The following ZFYVE9 variants were observed in gnomAD, a reference collection of about 807,000 sequenced individuals.
ZFYVE9 encodes the protein zinc finger FYVE-type containing 9.
A neutral mutation model predicts 126.7 loss-of-function variants in ZFYVE9; 43 were observed. That is an observed-to-expected ratio of 0.34 (90% CI 0.27 to 0.44). The LOEUF (loss-of-function observed/expected upper bound fraction) is 0.44, where lower values mean the gene tolerates loss of function less well. Among genes scored for constraint, ZFYVE9 ranks in the 20% least tolerant of loss-of-function variants. The probability of loss-of-function intolerance (pLI) is 1.00; values close to 1 mark genes in which losing one functional copy is unlikely to be tolerated. For missense variants in ZFYVE9, 1,476 were observed against 1,697.0 expected (o/e 0.87, Z 2.29); for synonymous variants, 521 against 597.4 (o/e 0.87, Z 1.87).
At chr1:52,331,773 C>A (rs1485661552) in intron 13 of ZFYVE9, among the ~76,000 whole-genome samples, 1 of 132,772 alleles carries the variant, frequency 7.5e-6, no homozygotes, top group Non-Finnish European at 1.6e-5. Context: ...GTGTCAAACT[C>A]TTTTTTTTTT....
intron 1 of ZFYVE9, among the ~76,000 whole-genome samples, chr1:52,182,440 A>G (rs371621288): frequency 6.6e-6 from 1 of 152,150 alleles, no homozygotes; most frequent in Non-Finnish European, 1.5e-5. Context: ...CTGTTGATCT[A>G]TGACCTTACC....
intron 12 of ZFYVE9, among the ~76,000 whole-genome samples, chr1:52,299,953 C>G (rs896735392): frequency 6.6e-6 from 1 of 152,188 alleles, no homozygotes; most frequent in East Asian, 1.9e-4. Context: ...GTGAGGACCG[C>G]GGGACGAGGC....
chr1:52,312,871 T>C (rs1446975052), intron 13 of ZFYVE9, among the ~76,000 whole-genome samples: 1 of 152,178 alleles, frequency 6.6e-6, no homozygotes, highest in Non-Finnish European at 1.5e-5. Flanking sequence ...AGTTGTAACC[T>C]CCCAGTACCT....
At chr1:52,210,558 C>G (rs1645018657) in intron 1 of ZFYVE9, among the ~76,000 whole-genome samples, 1 of 152,118 alleles carries the variant, frequency 6.6e-6, no homozygotes. Context: ...CCTGCTGTTC[C>G]ATTTGAATTA....
At chr1:52,306,700 C>T (rs1351443292) in intron 13 of ZFYVE9, among the ~76,000 whole-genome samples, 2 of 152,252 alleles carry the variant, frequency 1.3e-5, no homozygotes, top group African/African-American at 2.4e-5. Context: ...CTTTGGGGCC[C>T]TGTGGTTACT....
intron 11 of ZFYVE9, among the ~76,000 whole-genome samples, chr1:52,294,059 A>G (rs1645950449): frequency 6.6e-6 from 1 of 152,224 alleles, no homozygotes; most frequent in Non-Finnish European, 1.5e-5. Context: ...AGCTAGTGGA[A>G]TGGAAACCAC....
rs535831094 is a variant in ZFYVE9, at chr1:52,210,483, A to C, written c.-142-5886A>C. ...GTCATCTTTTTTCCCTGTCCCTATT[A>C]AGGTTTTTATTCTTCTCTTTAAAAT... On this transcript the variant is annotated intron_variant, in intron 1 of 18. Coordinates refer to ENST00000287727, the MANE Select transcript of ZFYVE9 (RefSeq NM_004799.4). Among the ~76,000 whole-genome samples, 36 of 152,172 alleles carry C rather than the reference A, an allele frequency of 2.4e-4. No individual in the cohort carries two copies. In the South Asian group the frequency reaches 7.3e-3, roughly 31 times the overall value.
intron 1 of ZFYVE9, among the ~76,000 whole-genome samples, chr1:52,174,017 G>C (rs1232341886): frequency 6.6e-6 from 1 of 151,586 alleles, no homozygotes; most frequent in Admixed American, 6.6e-5. Flanking sequence ...GTTCTGCTCT[G>C]ATTTTAGTTA....
chr1:52,293,638 C>T lies in ZFYVE9; in HGVS notation c.3211C>T (p.Pro1071Ser). The change falls in exon 11 of 19, where the codon CCT becomes TCT. Residue 1071 changes from proline to serine, a missense_variant. Pro to Ser is a moderately conservative substitution (Grantham distance 74, BLOSUM62 -1). Coordinates refer to ENST00000287727, the MANE Select transcript of ZFYVE9 (RefSeq NM_004799.4). ...KWETPWAKVF[P>S]IRLMLRLGAE... ...GGAAACTCCTTGGGCTAAAGTATTT[C>T]CTATCCGTCTGATGTTGAGACTTGG... is the stretch of plus-strand genomic sequence containing the variant. The T allele has an allele frequency of 6.2e-7, 1 of 1,614,072 alleles. No homozygotes were observed. The highest frequency in any genetic ancestry group is 8.5e-7 in the Non-Finnish European group (1 of 1,180,012).
chr1:52,203,900 A>G (rs951350161), intron 1 of ZFYVE9, among the ~76,000 whole-genome samples: 2 of 151,936 alleles, frequency 1.3e-5, no homozygotes, highest in African/African-American at 4.8e-5. Context: ...GATCTCTAGC[A>G]TTTCTTTTTG....
intron 2 of ZFYVE9, among the ~76,000 whole-genome samples, chr1:52,230,602 T>C (rs1466593918): frequency 6.6e-6 from 1 of 151,684 alleles, no homozygotes; most frequent in Non-Finnish European, 1.5e-5. Context: ...TCAGCCCTCA[T>C]GCTGTTTTAA....
At chr1:52,301,986 C>T (rs1646040203) in intron 12 of ZFYVE9, among the ~76,000 whole-genome samples, 1 of 152,128 alleles carries the variant, frequency 6.6e-6, no homozygotes, top group Non-Finnish European at 1.5e-5. Flanking sequence ...CAATCAAATA[C>T]TTTGATTTTC....
intron 17 of ZFYVE9, 29 bp from the exon 18 acceptor site, chr1:52,344,738 GT>G: frequency 6.2e-7 from 1 of 1,610,458 alleles, no homozygotes; most frequent in Non-Finnish European, 8.5e-7. Context: ...CTAGGCACAA[GT>G]TTAAAAGTCT....
chr1:52,312,021 C>T (rs1646141686), intron 13 of ZFYVE9, among the ~76,000 whole-genome samples: 1 of 152,076 alleles, frequency 6.6e-6, no homozygotes, highest in Admixed American at 6.6e-5. Flanking sequence ...GAACTCCTGA[C>T]CTTAGGTGAT....
chr1:52,251,868 A>T (rs1000732050), intron 4 of ZFYVE9, among the ~76,000 whole-genome samples: 2 of 152,048 alleles, frequency 1.3e-5, no homozygotes, highest in African/African-American at 4.8e-5. Flanking sequence ...TCTCCCCACT[A>T]GTTATAGGTT....
intron 2 of ZFYVE9, among the ~76,000 whole-genome samples, chr1:52,230,019 C>T (rs891143404): frequency 6.6e-6 from 1 of 152,092 alleles, no homozygotes; most frequent in African/African-American, 2.4e-5. Flanking sequence ...AGGCGCTTGC[C>T]ACCACGTCCA....
chr1:52,336,003 G>A (rs550144156), intron 15 of ZFYVE9, among the ~76,000 whole-genome samples: 193 of 152,202 alleles, frequency 1.3e-3, no homozygotes, highest in African/African-American at 4.2e-3. Flanking sequence ...GCGTGGTGGC[G>A]CATGCCTGTA....
rs1405058534 is a variant in ZFYVE9, at chr1:52,142,998, C to T, written c.-143+595C>T. Among the ~76,000 whole-genome samples, 1 of 152,212 alleles carries T rather than the reference C, an allele frequency of 6.6e-6. No individual in the cohort carries two copies. On this transcript the variant is annotated intron_variant, in intron 1 of 18. Transcript: ENST00000287727. The surrounding 1 kb of genome is among the most constrained non-coding windows in gnomAD (Gnocchi z 4.5). ...GAAATTTCATCACCTGCCGGTTGCT[C>T]ATTCCTGCCTCTTTATATTATATCT...
At chr1:52,182,317 G>A (rs1211611723) in intron 1 of ZFYVE9, among the ~76,000 whole-genome samples, 2 of 152,272 alleles carry the variant, frequency 1.3e-5, no homozygotes. Context: ...AAGGGGGAAA[G>A]GTGGGGAAAA....
Sources: gnomAD v4.1 joint callset for allele counts (sites outside exome capture counted in the v4.1 genomes callset) on GRCh38, gnomAD v4.1.1 for gene constraint, Gnocchi (gnomAD v3.1) non-coding constraint, MANE v1.5 for transcripts, NCBI Gene and HGNC (gene_info 2026-07-23, HGNC 2026-07-21) for gene names.